RASGRF2: variants seen among roughly 807,000 people sequenced by gnomAD.
RASGRF2 encodes Ras protein specific guanine nucleotide releasing factor 2, also known as ras-specific guanine nucleotide-releasing factor 2.
A neutral mutation model predicts 151.0 loss-of-function variants in RASGRF2; 76 were observed. That is an observed-to-expected ratio of 0.50 (90% CI 0.42 to 0.61). The LOEUF is 0.61. Among genes scored for constraint, RASGRF2 ranks in the 20% least tolerant of loss-of-function variants. The probability of loss-of-function intolerance (pLI) is 0.00; values close to 1 mark genes in which losing one functional copy is unlikely to be tolerated. For synonymous variants in RASGRF2, 504 were observed against 566.5 expected (o/e 0.89, Z 1.57); for missense variants, 1,148 against 1,564.6 (o/e 0.73, Z 4.49).
chr5:81,217,157 G>A (rs1048149864), intron 24 of RASGRF2, among the ~76,000 whole-genome samples, 199 bp from the exon 25 acceptor site: 8 of 152,070 alleles, frequency 5.3e-5, no homozygotes, highest in African/African-American at 1.4e-4. Context: ...GTAAAGCAGG[G>A]GCTGTCATTT....
chr5:81,074,713 A>G (rs985387287), intron 5 of RASGRF2, among the ~76,000 whole-genome samples: 3 of 152,198 alleles, frequency 2.0e-5, no homozygotes, highest in Non-Finnish European at 2.9e-5. Context: ...TGGTATTACA[A>G]TCTGTGAATG....
At chr5:81,217,222 T>G (rs969330304) in intron 24 of RASGRF2, 134 bp from the exon 25 acceptor site, 8 of 1,328,894 alleles carry the variant, frequency 6.0e-6, no homozygotes, top group Middle Eastern at 1.9e-4. Context: ...ATGAATATGC[T>G]TCTGAAACTG....
chr5:81,048,599 G>T (rs1393823240), intron 2 of RASGRF2, among the ~76,000 whole-genome samples: 1 of 152,212 alleles, frequency 6.6e-6, no homozygotes, highest in Non-Finnish European at 1.5e-5. Flanking sequence ...TGAAAAGGCA[G>T]TCAGACCTTC....
chr5:81,048,228 A>G (rs572058911), intron 2 of RASGRF2, among the ~76,000 whole-genome samples: 3 of 152,368 alleles, frequency 2.0e-5, no homozygotes, highest in East Asian at 3.9e-4. Context: ...TTCCTGTAAC[A>G]GTAAAACTGT....
intron 17 of RASGRF2, among the ~76,000 whole-genome samples, chr5:81,154,595 A>G (rs762525015): frequency 1.6e-4 from 25 of 152,216 alleles, no homozygotes; most frequent in Non-Finnish European, 3.1e-4. Context: ...TAAGCCATAA[A>G]ATAAGTCTTA....
intron 1 of RASGRF2, among the ~76,000 whole-genome samples, chr5:80,976,357 T>C (rs991676000): frequency 1.3e-5 from 2 of 152,218 alleles, no homozygotes; most frequent in African/African-American, 2.4e-5. Context: ...AACGGTTTAG[T>C]AATTCACTTG....
At chr5:81,128,965 C>A (rs1020006512) in intron 17 of RASGRF2, among the ~76,000 whole-genome samples, 4 of 151,518 alleles carry the variant, frequency 2.6e-5, no homozygotes, top group Admixed American at 1.3e-4. Context: ...ATGATGAATC[C>A]CCATCTCTAC....
At chr5:81,057,760 C>T (rs1372718701) in intron 2 of RASGRF2, among the ~76,000 whole-genome samples, 1 of 152,040 alleles carries the variant, frequency 6.6e-6, no homozygotes, top group Non-Finnish European at 1.5e-5. Flanking sequence ...TTTGGGAAGC[C>T]GAGGCCAGTG....
intron 1 of RASGRF2, chr5:80,997,077 A>G (rs963165636): frequency 6.6e-6 from 1 of 152,232 alleles, no homozygotes; most frequent in African/African-American, 2.4e-5. Flanking sequence ...TCAGAGGACT[A>G]TTTATGAACT....
intron 12 of RASGRF2, among the ~76,000 whole-genome samples, chr5:81,102,923 A>C (rs149958961): frequency 6.6e-6 from 1 of 152,302 alleles, no homozygotes; most frequent in Admixed American, 6.5e-5. Flanking sequence ...TTGTGAGTAA[A>C]TTATGTATCA....
intron 1 of RASGRF2, among the ~76,000 whole-genome samples, chr5:80,971,339 T>C (rs879451916): frequency 6.6e-6 from 1 of 152,200 alleles, no homozygotes; most frequent in Non-Finnish European, 1.5e-5. Context: ...TAAGTACTCT[T>C]TCATGTTGGA....
intron 9 of RASGRF2, 135 bp from the exon 10 acceptor site, chr5:81,092,666 C>A: frequency 1.3e-6 from 1 of 784,502 alleles, no homozygotes; most frequent in Non-Finnish European, 2.1e-6. Flanking sequence ...AAGAGAGTTA[C>A]TTGTTCTGAT....
chr5:81,077,634 G>A lies in RASGRF2; in HGVS notation c.888-2487G>A, dbSNP rs79236628. Among the ~76,000 whole-genome samples the A allele has an allele frequency of 2.3e-3, 357 of 152,340 alleles. 10 individuals carry two copies. The East Asian group carries it at 0.063, about 27-fold the overall frequency. On this transcript the variant is annotated intron_variant, in intron 5 of 26. Transcript: ENST00000265080. ...GTGGGACATCCAAAGGAGCCTGGGG[G>A]TAGCCCTTGATCCTCAGGCAGTACA...
At chr5:81,020,551 G>A (rs1293812827) in intron 1 of RASGRF2, among the ~76,000 whole-genome samples, 1 of 152,048 alleles carries the variant, frequency 6.6e-6, no homozygotes, top group Non-Finnish European at 1.5e-5. Context: ...TAGGATTGAG[G>A]GTACCACAGG....
intron 18 of RASGRF2, among the ~76,000 whole-genome samples, chr5:81,192,031 T>G (rs1457370209): frequency 6.6e-6 from 1 of 152,202 alleles, no homozygotes; most frequent in East Asian, 1.9e-4. Context: ...CTAAACTAAT[T>G]TCCCAAACCA....
chr5:80,998,867 C>T (rs935896036), intron 1 of RASGRF2, among the ~76,000 whole-genome samples: 1 of 152,124 alleles, frequency 6.6e-6, no homozygotes, highest in Non-Finnish European at 1.5e-5. Context: ...AGATTGCCTC[C>T]GTTTGGCTGT....
At chr5:81,099,604 T>C (rs1752640117) in intron 12 of RASGRF2, among the ~76,000 whole-genome samples, 1 of 152,210 alleles carries the variant, frequency 6.6e-6, no homozygotes, top group South Asian at 2.1e-4. Context: ...TTTCACTACA[T>C]CATCAACAAG....
chr5:81,175,123 C>T (rs904928053), intron 17 of RASGRF2, among the ~76,000 whole-genome samples: 2 of 152,152 alleles, frequency 1.3e-5, no homozygotes, highest in African/African-American at 4.8e-5. Context: ...AGTTTCTTAG[C>T]CTCTTTGGTT....
In RASGRF2 at chr5:81,127,190, A is replaced by C. The variant is rs779013187; in HGVS notation, c.2686+27A>C. ...TGAGTAGGGGAGCAGCTATGTACAG[A>C]TATGTGACCATTTATATTAAGTCAG... On this transcript the variant is annotated intron_variant, in intron 17 of 26. Coordinates refer to ENST00000265080, the MANE Select transcript of RASGRF2 (RefSeq NM_006909.3). The C allele has an allele frequency of 2.5e-6, 4 of 1,586,846 alleles. No individual in the cohort carries two copies. The South Asian group carries it at 4.4e-5, about 18-fold the overall frequency.
Sources: gnomAD v4.1 joint callset for allele counts (sites outside exome capture counted in the v4.1 genomes callset) on GRCh38, gnomAD v4.1.1 for gene constraint, MANE v1.5 for transcripts, NCBI Gene and HGNC (gene_info 2026-07-23, HGNC 2026-07-21) for gene names.